IKZF3: variants seen among roughly 807,000 people sequenced by gnomAD.
IKZF3 encodes zinc finger protein Aiolos.
In IKZF3, 10 loss-of-function variants were observed where a neutral mutation model predicts 49.0. The observed-to-expected ratio is 0.20, with a 90% CI of 0.13 to 0.35. The LOEUF is 0.35. Ranked by LOEUF, IKZF3 falls within the 10% of genes least tolerant of loss-of-function variation. IKZF3 has a pLI of 1.00. For missense variants in IKZF3, 498 were observed against 664.8 expected (o/e 0.75, Z 2.76); for synonymous variants, 209 against 228.2 (o/e 0.92, Z 0.76).
At chr17:39,795,803 A>G (rs2143926667) in intron 3 of IKZF3, among the ~76,000 whole-genome samples, 1 of 151,180 alleles carries the variant, frequency 6.6e-6, no homozygotes, top group Non-Finnish European at 1.5e-5. Context: ...CTGTAATCTC[A>G]GCACTTTGGG....
chr17:39,822,283 T>G (rs2061830216), intron 3 of IKZF3, among the ~76,000 whole-genome samples: 2 of 152,182 alleles, frequency 1.3e-5, no homozygotes, highest in African/African-American at 4.8e-5. Context: ...AAATCTCATC[T>G]TGAATTGTAA....
intron 6 of IKZF3, chr17:39,778,274 T>C (rs2060640935): frequency 1.3e-6 from 1 of 749,326 alleles, no homozygotes; most frequent in Non-Finnish European, 1.6e-6. Flanking sequence ...GATTTGTGTA[T>C]TGAAATTCTG....
At chr17:39,845,954 A>C (rs1411617423) in intron 1 of IKZF3, among the ~76,000 whole-genome samples, 1 of 152,240 alleles carries the variant, frequency 6.6e-6, no homozygotes, top group East Asian at 1.9e-4. Context: ...ACATACATGT[A>C]TGTATACAAA....
rs756348094 is a variant in IKZF3 at position 39,758,494 on chromosome 17, G to C, written c.*7296C>G. 1 of 152,180 alleles carries C rather than the reference G, an allele frequency of 6.6e-6. No individual in the cohort carries two copies. Among genetic ancestry groups the C allele is most frequent in the Non-Finnish European group, 1.5e-5 (1 of 68,044 alleles). 9.4% of individuals were successfully genotyped at this position (152,180 alleles called of 1,614,324 possible). On this transcript the variant is annotated 3_prime_UTR_variant, in exon 8 of 8. Transcript: ENST00000346872. Reference sequence around the variant, plus strand: ...GCAAAGCGGCACTTACAGAGTGTGAGATAGACACAGATCTGTGGCGAGGGA... The same window carrying C: ...GCAAAGCGGCACTTACAGAGTGTGACATAGACACAGATCTGTGGCGAGGGA...
At position 39,766,477 on chromosome 17, in the gene IKZF3, G is replaced by A; in HGVS notation, c.843C>T (p.Cys281=). 6.2e-7 allele frequency: 1 copy of A among 1,609,230 alleles called. No individual in the cohort carries two copies. Reference sequence around the variant, plus strand: ...AACTTGAATTATAGTTGACATCAAAGCAGTGGCGCTTCTCACCTGGAACAA... The same window carrying A: ...AACTTGAATTATAGTTGACATCAAAACAGTGGCGCTTCTCACCTGGAACAA... ...PQKFIGEKRH[C]FDVNYNSSYM... Residue 281 remains cysteine, a synonymous_variant, in exon 8 of 8, where the codon TGC becomes TGT. Transcript: ENST00000346872.
intron 3 of IKZF3, among the ~76,000 whole-genome samples, chr17:39,820,361 G>A (rs2061776767): frequency 6.6e-6 from 1 of 152,142 alleles, no homozygotes; most frequent in South Asian, 2.1e-4. Flanking sequence ...TAAAATGTGA[G>A]CAATATTAAT....
intron 5 of IKZF3, among the ~76,000 whole-genome samples, chr17:39,788,707 A>G (rs1313847352): frequency 6.6e-6 from 1 of 152,152 alleles, no homozygotes; most frequent in Non-Finnish European, 1.5e-5. Flanking sequence ...TTATTCTTCA[A>G]GGAGGTTAAT....
chr17:39,824,305 G>T (rs2061897856), intron 3 of IKZF3, among the ~76,000 whole-genome samples: 1 of 152,174 alleles, frequency 6.6e-6, no homozygotes, highest in Admixed American at 6.5e-5. Flanking sequence ...TTTACCCAGT[G>T]CCTGTACCTC....
chr17:39,811,220 G>C (rs2061544296), intron 3 of IKZF3, among the ~76,000 whole-genome samples: 1 of 150,004 alleles, frequency 6.7e-6, no homozygotes, highest in African/African-American at 2.5e-5. Context: ...CTGGACAGCA[G>C]AGCAAGACCC....
chr17:39,767,004 C>T (rs989318594), intron 7 of IKZF3, among the ~76,000 whole-genome samples: 2 of 152,076 alleles, frequency 1.3e-5, no homozygotes, highest in Non-Finnish European at 2.9e-5. Flanking sequence ...TGCCTCACCT[C>T]GGCAGCTTTT....
chr17:39,842,512 T>G (rs1270432409), intron 1 of IKZF3, among the ~76,000 whole-genome samples: 3 of 152,178 alleles, frequency 2.0e-5, no homozygotes, highest in South Asian at 2.1e-4. Flanking sequence ...GAAGTGGATA[T>G]CTTAAAAGTA....
intron 3 of IKZF3, among the ~76,000 whole-genome samples, chr17:39,826,201 C>T (rs564491358): frequency 6.6e-6 from 1 of 152,282 alleles, no homozygotes; most frequent in Non-Finnish European, 1.5e-5. Flanking sequence ...TGCCACCATG[C>T]CTAGCTAATT....
At chr17:39,840,153 T>C (rs1004770575) in intron 1 of IKZF3, among the ~76,000 whole-genome samples, 1 of 152,194 alleles carries the variant, frequency 6.6e-6, no homozygotes, top group Admixed American at 6.5e-5. Context: ...GAAGTATAAA[T>C]CTGTTTAGTT....
At chr17:39,820,866 T>C (rs1253044954) in intron 3 of IKZF3, among the ~76,000 whole-genome samples, 1 of 152,074 alleles carries the variant, frequency 6.6e-6, no homozygotes, top group African/African-American at 2.4e-5. Context: ...GAAAGGGAGC[T>C]GGAGATTGAG....
rs1314320393 is a variant in IKZF3 at position 39,764,116 on chromosome 17, A to C, written c.*1674T>G. 1 of 152,010 alleles carries C rather than the reference A, an allele frequency of 6.6e-6. No homozygotes were observed. The highest frequency in any genetic ancestry group is 2.4e-5 in the African/African-American group (1 of 41,398). 9.4% of individuals were successfully genotyped at this position (152,010 alleles called of 1,614,324 possible). A position where few individuals can be genotyped will look rare whatever the true frequency, so the allele number is the denominator to read the frequency against. The stretch of plus-strand genomic sequence containing the variant: ...ATGATGCGCCTGCCTCGGCTTCCCA[A>C]AGTGTTGGGATTACAGGTGTGAGCC... On this transcript the variant is annotated 3_prime_UTR_variant, in exon 8 of 8. Transcript: ENST00000346872.
At chr17:39,800,205 ATCT>A (rs1406201905) in intron 3 of IKZF3, among the ~76,000 whole-genome samples, 1 of 152,182 alleles carries the variant, frequency 6.6e-6, no homozygotes, top group Non-Finnish European at 1.5e-5. Flanking sequence ...GTAAATTCTA[ATCT>A]TCTTATAATA....
At chr17:39,858,136 G>A (rs1202846119) in intron 1 of IKZF3, among the ~76,000 whole-genome samples, 1 of 151,984 alleles carries the variant, frequency 6.6e-6, no homozygotes, top group Non-Finnish European at 1.5e-5. Context: ...TGACAGTATT[G>A]AAATGTTTTC....
rs534022918 is a variant in IKZF3, at chr17:39,819,192, G to GT, written c.163+10194dup. Reference sequence around the variant, plus strand: ...TTGTTTATGTTTGAGTATTTAATCTGTTTTTTTTACCACAAACTATCTGAA... The same window carrying GT: ...TTGTTTATGTTTGAGTATTTAATCTGTTTTTTTTTACCACAAACTATCTGAA... On this transcript the variant is annotated intron_variant, in intron 3 of 7. Transcript: ENST00000346872. 6.1e-4 allele frequency among the ~76,000 whole-genome samples: 92 copies of GT among 151,936 alleles called. 1 individual carries two copies. Among genetic ancestry groups the GT allele is most frequent in the Middle Eastern group, 6.8e-3 (2 of 294 alleles).
intron 6 of IKZF3, among the ~76,000 whole-genome samples, chr17:39,778,515 C>T (rs1328523252): frequency 2.0e-5 from 3 of 152,126 alleles, no homozygotes; most frequent in Non-Finnish European, 4.4e-5. Context: ...ATAAAAACTG[C>T]CTATGGGCTG....
Sources: allele counts gnomAD v4.1 joint callset (sites outside exome capture counted in the v4.1 genomes callset), GRCh38; gene constraint gnomAD v4.1.1; transcripts MANE v1.5; gene names NCBI Gene and HGNC (gene_info 2026-07-23, HGNC 2026-07-21).